RTRAF: variants seen among roughly 807,000 people sequenced by gnomAD.
RTRAF encodes the protein tRNA-splicing ligase complex subunit RTRAF.
Under a neutral mutation model 34.4 loss-of-function variants are expected in RTRAF, and 14 were observed. The ratio of observed to expected loss-of-function variants is 0.41; its 90% confidence interval spans 0.27 to 0.64. The LOEUF (loss-of-function observed/expected upper bound fraction) is 0.64. Ranked by LOEUF, RTRAF falls within the 30% of genes least tolerant of loss-of-function variation. The probability of loss-of-function intolerance (pLI) is 0.34; values close to 1 mark genes in which losing one functional copy is unlikely to be tolerated. For synonymous variants in RTRAF, 96 were observed against 95.3 expected, an observed-to-expected ratio of 1.01 and a Z score of -0.04; for missense variants, 291 against 288.4, an observed-to-expected ratio of 1.01 and a Z score of -0.06.
intron 2 of RTRAF, among the ~76,000 whole-genome samples, chr14:51,993,211 A>G (rs1419024191): frequency 6.6e-6 from 1 of 152,090 alleles, no homozygotes; most frequent in Non-Finnish European, 1.5e-5. Context: ...GTTACATATA[A>G]TACTATTATA....
At chr14:51,999,879 T>A in intron 5 of RTRAF, 83 bp downstream of exon 5, 1 of 946,622 alleles carries the variant, frequency 1.1e-6, no homozygotes, top group South Asian at 1.6e-5. Flanking sequence ...CTATTGATAT[T>A]AAAATTATGG....
chr14:51,999,773 G>A lies in RTRAF; in HGVS notation c.439G>A (p.Asp147Asn), dbSNP rs761529134. The A allele has an allele frequency of 6.2e-7, 1 of 1,610,058 alleles. No homozygotes were observed. The highest frequency in any genetic ancestry group is 1.1e-5 in the South Asian group (1 of 90,584). Residue 147 changes from aspartate to asparagine, a missense_variant, in exon 5 of 8, where the codon GAT becomes AAT. Transcript: ENST00000261700. ...TAACCTGCTTCAGATTCAGCGTCAT[G>A]ATGATTACCTGGTAATGCTTAAGGT... ...LANLLQIQRH[D>N]DYLVMLKAIR...
intron 5 of RTRAF, among the ~76,000 whole-genome samples, chr14:52,001,026 G>C (rs181980560): frequency 6.6e-6 from 1 of 152,140 alleles, no homozygotes; most frequent in African/African-American, 2.4e-5. Context: ...ATCTTAGTAC[G>C]TTTGCCAAGT....
In RTRAF at chr14:52,007,779, T is replaced by C. The variant is rs1164719818; in HGVS notation, c.*3263T>C. On this transcript the variant is annotated 3_prime_UTR_variant, in exon 8 of 8. Transcript: ENST00000261700. ...TGCTCACATTCACTGTGATGAGAGG[T>C]TATCTATTTGCATTCCATCAGTAGT... is the stretch of plus-strand genomic sequence containing the variant. 2.5e-6 allele frequency: 4 copies of C among 1,585,808 alleles called. No individual in the cohort carries two copies. Among genetic ancestry groups the C allele is most frequent in the South Asian group, 1.1e-5 (1 of 89,330 alleles).
Position 52,005,933 on chromosome 14 carries a change from T to A in RTRAF, c.*1417T>A. The A allele has an allele frequency of 9.8e-7, 1 of 1,022,442 alleles. No individual in the cohort carries two copies. The highest frequency in any genetic ancestry group is 1.5e-6 in the Non-Finnish European group (1 of 654,976). 63.3% of individuals were successfully genotyped at this position (1,022,442 alleles called of 1,614,324 possible). On this transcript the variant is annotated 3_prime_UTR_variant, in exon 8 of 8. Coordinates refer to ENST00000261700, the MANE Select transcript of RTRAF (RefSeq NM_016039.3). ...GTCAGCCACAGAAAATCAGTTGCAATAGAGGAAAATTTCTGGCAGCCTTCT... is the reference window on the plus strand; with the variant it reads ...GTCAGCCACAGAAAATCAGTTGCAAAAGAGGAAAATTTCTGGCAGCCTTCT...
intron 1 of RTRAF, among the ~76,000 whole-genome samples, chr14:51,990,139 A>C (rs573869478): frequency 4.7e-4 from 71 of 152,270 alleles, no homozygotes; most frequent in Non-Finnish European, 5.9e-5. Context: ...TAAAGGGACG[A>C]GGGGTGGAAG....
In RTRAF at chr14:52,007,664, A is replaced by G; in HGVS notation, c.*3148A>G. 2.7e-6 allele frequency: 2 copies of G among 741,964 alleles called. No homozygotes were observed. The highest frequency in any genetic ancestry group is 4.6e-6 in the Non-Finnish European group (2 of 439,294). The allele number at this position is 741,964 out of a possible 1,614,324, so 46.0% of individuals were successfully genotyped here. The stretch of plus-strand genomic sequence containing the variant: ...AAGTTCATTTTAAGACTCATTTACT[A>G]GTACTTAAATTTACTAGTACTTAAA... On this transcript the variant is annotated 3_prime_UTR_variant, in exon 8 of 8. Coordinates refer to ENST00000261700, the MANE Select transcript of RTRAF (RefSeq NM_016039.3).
rs1594993386 is a variant in RTRAF at position 52,006,292 on chromosome 14, G to GCTACTTTTTAAGCTATATGT, written c.*1777_*1796dup. 8 of 455,484 alleles carry GCTACTTTTTAAGCTATATGT rather than the reference G, an allele frequency of 1.8e-5. No homozygotes were observed. In the East Asian group the frequency reaches 3.1e-4, roughly 18 times the overall value. The allele number at this position is 455,484 out of a possible 1,614,324, so 28.2% of individuals were successfully genotyped here. On this transcript the variant is annotated 3_prime_UTR_variant, in exon 8 of 8. Transcript: ENST00000261700. Reference sequence around the variant, plus strand: ...TTTTGAGACATTATCCAATAGCTTTGCTACTTTTTAAGCTATATGTGAGCA... The same window carrying GCTACTTTTTAAGCTATATGT: ...TTTTGAGACATTATCCAATAGCTTTGCTACTTTTTAAGCTATATGTCTACTTTTTAAGCTATATGTGAGCA...
At position 52,009,072 on chromosome 14, in the gene RTRAF, TC is replaced by T. The variant is rs1890908017; in HGVS notation, c.*4557del. 5.3e-5 allele frequency: 8 copies of T among 152,314 alleles called. 1 individual carries two copies. The South Asian group carries it at 1.7e-3, about 32-fold the overall frequency. The allele number at this position is 152,314 out of a possible 1,614,324, so 9.4% of individuals were successfully genotyped here. A position where few individuals can be genotyped will look rare whatever the true frequency, so the allele number is the denominator to read the frequency against. Reference sequence around the variant, plus strand: ...AAAAGCTATAGAAGCTTTGAATAAATCAGTTGGGCTACAGAGAACCTCAGTG... The same window carrying T: ...AAAAGCTATAGAAGCTTTGAATAAATAGTTGGGCTACAGAGAACCTCAGTG... On this transcript the variant is annotated 3_prime_UTR_variant, in exon 8 of 8. Coordinates refer to ENST00000261700, the MANE Select transcript of RTRAF (RefSeq NM_016039.3).
In RTRAF at chr14:52,007,926, A is replaced by G; in HGVS notation, c.*3410A>G. ...TTCTCCATCTAAAGATGACGTTTCA[A>G]TTTTAGGAGCTTCTCTATTCCAGTC... On this transcript the variant is annotated 3_prime_UTR_variant, in exon 8 of 8. Transcript: ENST00000261700. The G allele has an allele frequency of 1.2e-6, 2 of 1,613,616 alleles. No individual in the cohort carries two copies. Among genetic ancestry groups the G allele is most frequent in the African/African-American group, 1.3e-5 (1 of 74,998 alleles).
intron 3 of RTRAF, among the ~76,000 whole-genome samples, chr14:51,995,162 G>C (rs931005601): frequency 2.6e-5 from 4 of 152,082 alleles, no homozygotes; most frequent in African/African-American, 9.6e-5. Context: ...AATTGATGCT[G>C]TAACAAATTA....
At chr14:52,003,408 G>A (rs138959475) in intron 6 of RTRAF, among the ~76,000 whole-genome samples, 5 of 152,252 alleles carry the variant, frequency 3.3e-5, no homozygotes, top group Non-Finnish European at 5.9e-5. Context: ...AGCAGACAGA[G>A]CCTACGTAGA....
chr14:52,004,294 G>C, intron 7 of RTRAF, 52 bp downstream of exon 7: 7 of 1,577,504 alleles, frequency 4.4e-6, no homozygotes, highest in Non-Finnish European at 5.1e-6. Flanking sequence ...CTGAATACTT[G>C]GGAGGAAATA....
chr14:51,998,482 C>G lies in RTRAF; in HGVS notation c.287-12C>G. The G allele has an allele frequency of 6.7e-7, 1 of 1,491,748 alleles. No individual in the cohort carries two copies. The highest frequency in any genetic ancestry group is 2.4e-5 in the East Asian group (1 of 40,944). The allele number at this position is 1,491,748 out of a possible 1,614,324, so 92.4% of individuals were successfully genotyped here. A position where few individuals can be genotyped will look rare whatever the true frequency, so the allele number is the denominator to read the frequency against. ...GCAGTTGTACAAATTATATTTTTGC[C>G]TGTTTTTATAGCTGAAAAATACAAG... On this transcript the variant is annotated splice_polypyrimidine_tract_variant and intron_variant, in intron 3 of 7. Coordinates refer to ENST00000261700, the MANE Select transcript of RTRAF (RefSeq NM_016039.3).
At chr14:51,990,811 CTTA>C (rs1000041219) in intron 1 of RTRAF, among the ~76,000 whole-genome samples, 10 of 152,136 alleles carry the variant, frequency 6.6e-5, no homozygotes, top group African/African-American at 2.4e-4. Context: ...ATTTCTTTTA[CTTA>C]TTATTTTGTT....
rs1890787470 is a variant in RTRAF, at chr14:52,006,479, G to GACTT, written c.*1963_*1964insACTT. On this transcript the variant is annotated 3_prime_UTR_variant, in exon 8 of 8. Coordinates refer to ENST00000261700, the MANE Select transcript of RTRAF (RefSeq NM_016039.3). ...GGTACTGACTTTTGGTAAAACAAGTGGTGTGTCCTCTGGAACAGTTGGCCT... is the reference window on the plus strand; with the variant it reads ...GGTACTGACTTTTGGTAAAACAAGTGACTTGTGTGTCCTCTGGAACAGTTGGCCT... 2 of 1,603,090 alleles carry GACTT rather than the reference G, an allele frequency of 1.2e-6. No homozygotes were observed. The highest frequency in any genetic ancestry group is 1.7e-6 in the Non-Finnish European group (2 of 1,173,344).
In RTRAF at chr14:52,004,687, G is replaced by A. The variant is rs1890685347; in HGVS notation, c.*171G>A. ...TGCTTTTTTCTTTAATAAAGTTTAG[G>A]AAAGTAGAATTTTTATTATGTACTG... On this transcript the variant is annotated 3_prime_UTR_variant, in exon 8 of 8. Transcript: ENST00000261700. 5 of 600,658 alleles carry A rather than the reference G, an allele frequency of 8.3e-6. No individual in the cohort carries two copies. In the South Asian group the frequency reaches 1.3e-4, roughly 16 times the overall value. 37.2% of individuals were successfully genotyped at this position (600,658 alleles called of 1,614,324 possible). A position where few individuals can be genotyped will look rare whatever the true frequency, so the allele number is the denominator to read the frequency against.
Position 52,006,804 on chromosome 14 carries a change from C to G in RTRAF, c.*2288C>G. On this transcript the variant is annotated 3_prime_UTR_variant, in exon 8 of 8. Coordinates refer to ENST00000261700, the MANE Select transcript of RTRAF (RefSeq NM_016039.3). ...TCATAGATTAGCAACTGTAAAATTA[C>G]CTGTCCTATTACTAGTCTCCAGTTT... is the stretch of plus-strand genomic sequence containing the variant. 1 of 809,310 alleles carries G rather than the reference C, an allele frequency of 1.2e-6. No individual in the cohort carries two copies. Among genetic ancestry groups the G allele is most frequent in the East Asian group, 2.8e-5 (1 of 36,140 alleles). 50.1% of individuals were successfully genotyped at this position (809,310 alleles called of 1,614,324 possible). A position where few individuals can be genotyped will look rare whatever the true frequency, so the allele number is the denominator to read the frequency against.
intron 3 of RTRAF, among the ~76,000 whole-genome samples, chr14:51,997,450 G>T (rs567158036): frequency 6.6e-6 from 1 of 151,974 alleles, no homozygotes; most frequent in African/African-American, 2.4e-5. Flanking sequence ...TACTGTTCCA[G>T]ATTTGGCCAG....
Sources: allele counts gnomAD v4.1 joint callset (sites outside exome capture counted in the v4.1 genomes callset), GRCh38; gene constraint gnomAD v4.1.1; transcripts MANE v1.5; gene names NCBI Gene and HGNC (gene_info 2026-07-23, HGNC 2026-07-21).